Variants in MYO9A observed in about 807,000 individuals in gnomAD.
MYO9A encodes the protein unconventional myosin-IXa.
A neutral mutation model predicts 293.3 loss-of-function variants in MYO9A; 103 were observed. The observed-to-expected ratio is 0.35, with a 90% CI of 0.30 to 0.41. MYO9A has a LOEUF of 0.41. Among genes scored for constraint, MYO9A ranks in the 10% least tolerant of loss-of-function variants. The pLI, the probability that MYO9A is intolerant of heterozygous loss-of-function variation, is 1.00. For missense variants in MYO9A, 2,685 were observed against 3,033.0 expected, an observed-to-expected ratio of 0.89 and a Z score of 2.69; for synonymous variants, 1,001 against 1,035.7, an observed-to-expected ratio of 0.97 and a Z score of 0.64.
At chr15:72,009,784 G>A (rs965421731) in intron 7 of MYO9A, among the ~76,000 whole-genome samples, 6 of 152,008 alleles carry the variant, frequency 3.9e-5, no homozygotes, top group African/African-American at 1.4e-4. Context: ...AAAGTTATAA[G>A]TAACTATTTC....
chr15:72,045,526 A>G (rs2078359143), intron 2 of MYO9A, among the ~76,000 whole-genome samples, 198 bp downstream of exon 2: 1 of 152,134 alleles, frequency 6.6e-6, no homozygotes, highest in Non-Finnish European at 1.5e-5. Flanking sequence ...TAGGCCTCCC[A>G]AAGTGCTGGG....
chr15:71,998,038 ACT>A lies in MYO9A; in HGVS notation c.1470+1811_1470+1812del, dbSNP rs1212239042. Among the ~76,000 whole-genome samples, 6 of 152,330 alleles carry A rather than the reference ACT, an allele frequency of 3.9e-5. No individual in the cohort carries two copies. In the East Asian group the frequency reaches 1.2e-3, roughly 29 times the overall value. On this transcript the variant is annotated intron_variant, in intron 9 of 41. Coordinates refer to ENST00000356056, the MANE Select transcript of MYO9A (RefSeq NM_006901.4). ...CATCCACGTATATGCTCACTGCAGC[ACT>A]ATTCACAATAGCAAAGACATGGAAT...
At chr15:71,978,960 G>GA (rs11414148) in intron 11 of MYO9A, among the ~76,000 whole-genome samples, 2,841 of 151,716 alleles carry the variant, frequency 0.019, 97 homozygotes, top group African/African-American at 0.065. Context: ...TTTTTTTAAG[G>GA]AAAAAATGCA....
intron 1 of MYO9A, among the ~76,000 whole-genome samples, chr15:72,053,225 C>A (rs1046923093): frequency 2.6e-5 from 4 of 151,954 alleles, no homozygotes; most frequent in Non-Finnish European, 4.4e-5. Context: ...CATGGTGAAA[C>A]CCTGTCCCTA....
chr15:71,900,009 A>G lies in MYO9A; in HGVS notation c.3151-3T>C. On this transcript the variant is annotated splice_region_variant and splice_polypyrimidine_tract_variant and intron_variant, in intron 23 of 41. Coordinates refer to ENST00000356056, the MANE Select transcript of MYO9A (RefSeq NM_006901.4). ...TTTAGGTAATTCCTCCAGAATCTCT[A>G]TGGGGAAGACAAAATAACAGAAACT... 1 of 1,597,796 alleles carries G rather than the reference A, an allele frequency of 6.3e-7. No homozygotes were observed. The highest frequency in any genetic ancestry group is 8.6e-7 in the Non-Finnish European group (1 of 1,168,518).
intron 1 of MYO9A, among the ~76,000 whole-genome samples, chr15:72,064,068 A>G (rs1397930549): frequency 6.6e-6 from 1 of 152,224 alleles, no homozygotes; most frequent in East Asian, 1.9e-4. Context: ...ACAAAAAGAC[A>G]AACTTTGCAT....
chr15:72,007,393 G>A (rs8034336), intron 8 of MYO9A, among the ~76,000 whole-genome samples: 139,057 of 150,298 alleles, frequency 0.93, 64,605 homozygotes, highest in Non-Finnish European at 0.97. Flanking sequence ...ACCCATAAGG[G>A]AAAAAAAAAA....
chr15:71,978,088 G>A (rs2076187735), intron 12 of MYO9A, 83 bp downstream of exon 12: 1 of 1,483,480 alleles, frequency 6.7e-7, no homozygotes, highest in Admixed American at 2.2e-5. Context: ...TCTTTATTTG[G>A]TAATGTAAGA....
intron 2 of MYO9A, among the ~76,000 whole-genome samples, chr15:72,041,873 T>C (rs1004818028): frequency 6.0e-5 from 9 of 150,128 alleles, no homozygotes; most frequent in African/African-American, 2.2e-4. Flanking sequence ...CTACCAAAGC[T>C]TACTAAAAAA....
chr15:71,950,625 C>T (rs765907111), intron 15 of MYO9A, among the ~76,000 whole-genome samples: 3 of 152,136 alleles, frequency 2.0e-5, no homozygotes, highest in Non-Finnish European at 4.4e-5. Flanking sequence ...AAACACTTAC[C>T]TTTGTTCCTC....
At chr15:71,959,876 T>G (rs754800231) in intron 14 of MYO9A, 25 bp downstream of exon 14, 17 of 1,540,204 alleles carry the variant, frequency 1.1e-5, no homozygotes, top group Non-Finnish European at 1.5e-5. Flanking sequence ...TGAAGTATGG[T>G]AGAATACTAA....
intron 23 of MYO9A, 21 bp from the exon 24 acceptor site, chr15:71,900,027 C>G: frequency 1.3e-6 from 2 of 1,578,576 alleles, no homozygotes; most frequent in Non-Finnish European, 1.7e-6. Flanking sequence ...GACAAAATAA[C>G]AGAAACTGGT....
chr15:72,073,270 CT>C (rs1436691832), intron 1 of MYO9A, among the ~76,000 whole-genome samples: 1 of 152,196 alleles, frequency 6.6e-6, no homozygotes, highest in Non-Finnish European at 1.5e-5. Context: ...GCCCCAAATA[CT>C]TAAAAATCAT....
At chr15:72,036,840 T>A (rs1161205941) in intron 2 of MYO9A, among the ~76,000 whole-genome samples, 1 of 152,018 alleles carries the variant, frequency 6.6e-6, no homozygotes, top group African/African-American at 2.4e-5. Flanking sequence ...CTCAGCTTCC[T>A]GAGTAGCTGG....
Position 71,852,233 on chromosome 15 carries a change from T to C in MYO9A, c.6374A>G (p.Tyr2125Cys). The change falls in exon 36 of 42, where the codon TAT (tyrosine) becomes TGT (cysteine). Residue 2125 changes from tyrosine to cysteine, a missense_variant. Around this residue, in one of 10 missense-constraint regions of MYO9A, gnomAD observed 238 missense variants for 269.1 expected, o/e 0.88. Transcript: ENST00000356056. The stretch of plus-strand genomic sequence containing the variant: ...TACACTTGCAATGACGTGTATGTTA[T>C]AGTCATCTAGATTTACACTCTCAGC... Reference protein sequence around the residue: ...TDAESVNLDDYNIHVIASVFK... With the variant: ...TDAESVNLDDCNIHVIASVFK... 2.5e-6 allele frequency: 4 copies of C among 1,612,544 alleles called. No homozygotes were observed. Among genetic ancestry groups the C allele is most frequent in the Non-Finnish European group, 3.4e-6 (4 of 1,178,890 alleles).
At chr15:72,063,855 G>A (rs906274077) in intron 1 of MYO9A, among the ~76,000 whole-genome samples, 4 of 152,142 alleles carry the variant, frequency 2.6e-5, no homozygotes, top group African/African-American at 7.2e-5. Context: ...CTGCACTCCC[G>A]TGTTTACTGC....
At chr15:71,993,209 G>A (rs1480012146) in intron 10 of MYO9A, among the ~76,000 whole-genome samples, 1 of 152,016 alleles carries the variant, frequency 6.6e-6, no homozygotes, top group Non-Finnish European at 1.5e-5. Context: ...AATTAGCCAG[G>A]CATTGTGGCA....
chr15:71,888,284 G>A (rs1293314466), intron 26 of MYO9A, 168 bp from the exon 27 acceptor site: 5 of 385,384 alleles, frequency 1.3e-5, no homozygotes, highest in Non-Finnish European at 2.3e-5. Context: ...TCTATATAAA[G>A]TAATCTGAAA....
intron 6 of MYO9A, among the ~76,000 whole-genome samples, chr15:72,010,859 C>T (rs929889838): frequency 1.3e-5 from 2 of 152,010 alleles, no homozygotes; most frequent in Non-Finnish European, 2.9e-5. Context: ...TTAACAAGTG[C>T]CTACCCTATG....
Sources: allele counts gnomAD v4.1 joint callset (sites outside exome capture counted in the v4.1 genomes callset), GRCh38; gene constraint gnomAD v4.1.1; regional missense constraint gnomAD v4.1.1; transcripts MANE v1.5; gene names NCBI Gene and HGNC (gene_info 2026-07-23, HGNC 2026-07-21).